TMPRSS15: variants seen among roughly 807,000 people sequenced by gnomAD.
TMPRSS15 encodes enteropeptidase.
Under a neutral mutation model 125.3 loss-of-function variants are expected in TMPRSS15, and 128 were observed. The ratio of observed to expected loss-of-function variants is 1.02; its 90% confidence interval spans 0.89 to 1.18. The LOEUF (loss-of-function observed/expected upper bound fraction) is 1.18. Among genes scored for constraint, TMPRSS15 ranks in the 50% most tolerant of loss-of-function variants. The pLI is 0.00. For missense variants in TMPRSS15, 1,283 were observed against 1,212.7 expected (o/e 1.06, Z -0.86); for synonymous variants, 446 against 423.2 (o/e 1.05, Z -0.66).
rs1353236534 is a variant in TMPRSS15, at chr21:18,468,488, C to T, written c.10+17311G>A. On this transcript the variant is annotated intron_variant, in intron 1 of 7. Coordinates refer to the TMPRSS15 transcript ENST00000422787. ...CCTCTCTGGAGACTAATTTCTGGTG[C>T]ATAAACAGAAGAGAGAAATCCAGGA... Among the ~76,000 whole-genome samples, 6 of 151,936 alleles carry T rather than the reference C, an allele frequency of 3.9e-5. 1 individual carries two copies. The highest frequency in any genetic ancestry group is 1.4e-4 in the African/African-American group (6 of 41,446).
chr21:18,455,044 C>T (rs1978412960), intron 1 of TMPRSS15, among the ~76,000 whole-genome samples: 1 of 152,052 alleles, frequency 6.6e-6, no homozygotes, highest in African/African-American at 2.4e-5. Context: ...CAGTTACCCT[C>T]ATGCTATTCT....
chr21:18,436,624 C>A lies in TMPRSS15; in HGVS notation c.11-38295G>T, dbSNP rs1037482137. ...ATACAAAATCAATGTACAAAAATCACAAGCATTCTTACACACCAATAACAG... is the reference window on the plus strand; with the variant it reads ...ATACAAAATCAATGTACAAAAATCAAAAGCATTCTTACACACCAATAACAG... On this transcript the variant is annotated intron_variant, in intron 1 of 7. Transcript: ENST00000422787. Among the ~76,000 whole-genome samples the A allele has an allele frequency of 1.4e-3, 209 of 151,216 alleles. 2 individuals are homozygous for A. Among genetic ancestry groups the A allele is most frequent in the African/African-American group, 4.5e-3 (185 of 41,168 alleles).
chr21:18,443,583 G>A (rs1002689703), intron 1 of TMPRSS15, among the ~76,000 whole-genome samples: 1 of 152,196 alleles, frequency 6.6e-6, no homozygotes, highest in African/African-American at 2.4e-5. Flanking sequence ...CAAGCCTTGT[G>A]CCCTGGAGCA....
intron 1 of TMPRSS15, among the ~76,000 whole-genome samples, chr21:18,478,208 T>C (rs1978915642): frequency 6.6e-6 from 1 of 152,030 alleles, no homozygotes; most frequent in African/African-American, 2.4e-5. Context: ...AAATTATTTT[T>C]AAGTCATGTT....
In TMPRSS15 at chr21:18,403,679, C is replaced by T. The variant is rs1238257580; in HGVS notation, c.-57G>A. ...CTGAAAGAGAATATAAATAATTCTACCAACTGAAGAGAAAAATCTCTCAAA... is the reference window on the plus strand; with the variant it reads ...CTGAAAGAGAATATAAATAATTCTATCAACTGAAGAGAAAAATCTCTCAAA... On this transcript the variant is annotated 5_prime_UTR_variant, in exon 1 of 25. Transcript: ENST00000284885. The T allele has an allele frequency of 6.2e-7, 1 of 1,606,732 alleles. No individual in the cohort carries two copies. The highest frequency in any genetic ancestry group is 1.7e-5 in the Admixed American group (1 of 59,814).
At chr21:18,358,982 T>C (rs2075652773) in intron 8 of TMPRSS15, among the ~76,000 whole-genome samples, 1 of 152,068 alleles carries the variant, frequency 6.6e-6, no homozygotes, top group South Asian at 2.1e-4. Flanking sequence ...ACCAACCTTA[T>C]CTTAGCTCTA....
intron 3 of TMPRSS15, among the ~76,000 whole-genome samples, chr21:18,384,606 A>G (rs1285311060): frequency 6.6e-6 from 1 of 152,078 alleles, no homozygotes; most frequent in Non-Finnish European, 1.5e-5. Context: ...TCCTGCTTAC[A>G]TTTCTATTTG....
chr21:18,344,133 A>G (rs2075480800), intron 10 of TMPRSS15, 73 bp from the exon 11 acceptor site: 1 of 1,272,894 alleles, frequency 7.9e-7, no homozygotes, highest in Non-Finnish European at 1.1e-6. Flanking sequence ...AGACTTTGTA[A>G]GCAGGAAAGA....
intron 24 of TMPRSS15, 149 bp from the exon 25 acceptor site, chr21:18,270,273 C>T (rs1262169552): frequency 3.2e-6 from 2 of 633,260 alleles, no homozygotes; most frequent in Non-Finnish European, 5.0e-6. Context: ...CTCACTTTCA[C>T]TCTAAGTCAG....
intron 16 of TMPRSS15, among the ~76,000 whole-genome samples, chr21:18,326,010 T>C (rs1479470181): frequency 6.6e-6 from 1 of 152,074 alleles, no homozygotes; most frequent in African/African-American, 2.4e-5. Flanking sequence ...AATAAGTTAA[T>C]GATGTTAATT....
intron 21 of TMPRSS15, among the ~76,000 whole-genome samples, chr21:18,292,370 T>A (rs1174921144): frequency 6.6e-6 from 1 of 152,162 alleles, no homozygotes; most frequent in African/African-American, 2.4e-5. Flanking sequence ...TGGCCTTGAA[T>A]TCCTTCCTGT....
intron 23 of TMPRSS15, among the ~76,000 whole-genome samples, chr21:18,275,622 G>A (rs1420626337): frequency 6.6e-6 from 1 of 152,162 alleles, no homozygotes; most frequent in African/African-American, 2.4e-5. Flanking sequence ...ATTTTAAACA[G>A]TTACAGGATT....
intron 21 of TMPRSS15, among the ~76,000 whole-genome samples, chr21:18,285,548 C>T (rs1475244135): frequency 6.6e-6 from 1 of 152,194 alleles, no homozygotes; most frequent in Non-Finnish European, 1.5e-5. Flanking sequence ...TTATTCTCCT[C>T]TGAATGTAAT....
At chr21:18,414,134 C>G (rs1322702457) in intron 1 of TMPRSS15, among the ~76,000 whole-genome samples, 2 of 151,902 alleles carry the variant, frequency 1.3e-5, no homozygotes, top group Non-Finnish European at 2.9e-5. Context: ...CTTTTTATTT[C>G]CTTTAATTTT....
chr21:18,338,175 G>A, intron 13 of TMPRSS15, among the ~76,000 whole-genome samples: 1 of 152,004 alleles, frequency 6.6e-6, no homozygotes, highest in East Asian at 1.9e-4. Flanking sequence ...TTGTTTCTAT[G>A]TATGATATGA....
intron 23 of TMPRSS15, among the ~76,000 whole-genome samples, chr21:18,275,650 C>T (rs1054739675): frequency 6.6e-6 from 1 of 152,198 alleles, no homozygotes; most frequent in South Asian, 2.1e-4. Flanking sequence ...GGGGAAAACG[C>T]TCCCCAACAC....
intron 1 of TMPRSS15, among the ~76,000 whole-genome samples, chr21:18,458,696 G>A (rs1978489361): frequency 6.6e-6 from 1 of 152,094 alleles, no homozygotes; most frequent in East Asian, 1.9e-4. Context: ...AATGGATTAA[G>A]CGTTAGTTCT....
intron 3 of TMPRSS15, among the ~76,000 whole-genome samples, chr21:18,396,974 T>A (rs1300455172): frequency 6.6e-6 from 1 of 152,136 alleles, no homozygotes; most frequent in Non-Finnish European, 1.5e-5. Flanking sequence ...CTGTGCTTTT[T>A]AAATGTGAAT....
chr21:18,411,809 C>T (rs1356747254), intron 1 of TMPRSS15, among the ~76,000 whole-genome samples: 1 of 152,166 alleles, frequency 6.6e-6, no homozygotes, highest in Non-Finnish European at 1.5e-5. Flanking sequence ...GATTATGAAA[C>T]TTTTGAATGA....
Sources: allele counts gnomAD v4.1 joint callset (sites outside exome capture counted in the v4.1 genomes callset), GRCh38; gene constraint gnomAD v4.1.1; transcripts MANE v1.5; gene names NCBI Gene and HGNC (gene_info 2026-07-23, HGNC 2026-07-21).